The following CYB5R4 variants were observed in gnomAD, a reference collection of about 807,000 sequenced individuals.
CYB5R4 encodes the protein cytochrome b5 reductase 4.
A neutral mutation model predicts 70.2 loss-of-function variants in CYB5R4; 55 were observed. The observed-to-expected ratio is 0.78, with a 90% CI of 0.63 to 0.98. The LOEUF is 0.98. Ranked by LOEUF, CYB5R4 falls within the 50% of genes least tolerant of loss-of-function variation. The pLI is 0.00. For synonymous variants in CYB5R4, 197 were observed against 199.5 expected, an observed-to-expected ratio of 0.99 and a Z score of 0.11; for missense variants, 562 against 612.6, an observed-to-expected ratio of 0.92 and a Z score of 0.87.
At position 83,963,555 on chromosome 6, in the gene CYB5R4, A is replaced by G. The variant is rs1172546663; in HGVS notation, c.*3677A>G. On this transcript the variant is annotated 3_prime_UTR_variant, in exon 16 of 16. Coordinates refer to ENST00000369681, the MANE Select transcript of CYB5R4 (RefSeq NM_016230.4). ...TTACAGTCTCTTGGTGTCTTTCAAC[A>G]TTGGTTTTATTTTGAAGTCATTTTC... The G allele has an allele frequency of 2.0e-5, 3 of 152,238 alleles. No individual in the cohort carries two copies. The allele number at this position is 152,238 out of a possible 1,614,324, so 9.4% of individuals were successfully genotyped here. A position where few individuals can be genotyped will look rare whatever the true frequency, so the allele number is the denominator to read the frequency against.
intron 2 of CYB5R4, among the ~76,000 whole-genome samples, chr6:83,878,448 C>T (rs771365571): frequency 6.6e-6 from 1 of 151,922 alleles, no homozygotes; most frequent in Non-Finnish European, 1.5e-5. Context: ...CCCGGGTTCA[C>T]GCCATTCTTC....
chr6:83,932,827 C>T (rs1047685312), intron 10 of CYB5R4, among the ~76,000 whole-genome samples: 4 of 152,078 alleles, frequency 2.6e-5, no homozygotes, highest in Admixed American at 6.5e-5. Context: ...TCAGACAGAG[C>T]CAAGGATGAG....
intron 14 of CYB5R4, among the ~76,000 whole-genome samples, chr6:83,950,018 G>A (rs1428117750): frequency 2.0e-5 from 3 of 152,090 alleles, no homozygotes; most frequent in South Asian, 2.1e-4. Context: ...ACAGTGACAC[G>A]ATATTGTGTT....
chr6:83,872,215 A>G (rs376675966), intron 2 of CYB5R4, among the ~76,000 whole-genome samples: 71 of 152,326 alleles, frequency 4.7e-4, no homozygotes, highest in African/African-American at 1.6e-3. Flanking sequence ...ACCCAGTCAC[A>G]TAATTCTCAG....
intron 2 of CYB5R4, among the ~76,000 whole-genome samples, chr6:83,867,827 A>G (rs114407942): frequency 0.012 from 1,892 of 152,272 alleles, 44 homozygotes; most frequent in African/African-American, 0.043. Flanking sequence ...GCTCTGAGTC[A>G]CTATTGTCTG....
intron 10 of CYB5R4, among the ~76,000 whole-genome samples, chr6:83,931,731 T>C (rs1485836576): frequency 6.6e-6 from 1 of 151,700 alleles, no homozygotes; most frequent in African/African-American, 2.4e-5. Flanking sequence ...GACAGTTAGA[T>C]AATGGCATTG....
intron 10 of CYB5R4, among the ~76,000 whole-genome samples, chr6:83,926,753 T>A (rs896654273): frequency 6.6e-6 from 1 of 152,084 alleles, no homozygotes; most frequent in Non-Finnish European, 1.5e-5. Flanking sequence ...TATATTTTGC[T>A]CATGTGGGGA....
chr6:83,943,794 G>A (rs1275057613), intron 14 of CYB5R4, among the ~76,000 whole-genome samples: 1 of 151,918 alleles, frequency 6.6e-6, no homozygotes, highest in Non-Finnish European at 1.5e-5. Context: ...AAAACAGCAC[G>A]AGAACATCAT....
intron 15 of CYB5R4, among the ~76,000 whole-genome samples, chr6:83,957,495 C>T (rs1562848813): frequency 6.6e-6 from 1 of 151,782 alleles, no homozygotes; most frequent in African/African-American, 2.4e-5. Context: ...GTGGTGGGCA[C>T]CTGTGATCCC....
intron 5 of CYB5R4, among the ~76,000 whole-genome samples, chr6:83,915,181 C>T (rs1212208141): frequency 6.6e-6 from 1 of 152,128 alleles, no homozygotes; most frequent in Non-Finnish European, 1.5e-5. Context: ...CTTCCTCTCC[C>T]CCGCAAAAAA....
intron 3 of CYB5R4, among the ~76,000 whole-genome samples, chr6:83,894,718 T>C (rs2099461599): frequency 6.6e-6 from 1 of 152,210 alleles, no homozygotes; most frequent in Admixed American, 6.5e-5. Context: ...ACTATATTCT[T>C]ACAATAAAGT....
chr6:83,862,204 C>T (rs1275215715), intron 1 of CYB5R4, among the ~76,000 whole-genome samples: 1 of 152,198 alleles, frequency 6.6e-6, no homozygotes, highest in Non-Finnish European at 1.5e-5. Context: ...GCTACTTGTC[C>T]TGAGGCTTTT....
intron 14 of CYB5R4, among the ~76,000 whole-genome samples, chr6:83,943,344 A>G (rs982110793): frequency 5.3e-5 from 8 of 152,112 alleles, no homozygotes; most frequent in African/African-American, 1.9e-4. Flanking sequence ...ACTCCCGGCA[A>G]ACTCCAGCAG....
In CYB5R4 at chr6:83,940,521, G is replaced by A. The variant is rs2099469580; in HGVS notation, c.1266G>A (p.Val422=). 1.3e-6 allele frequency: 2 copies of A among 1,576,390 alleles called. No individual in the cohort carries two copies. Among genetic ancestry groups the A allele is most frequent in the African/African-American group, 1.4e-5 (1 of 71,636 alleles). Residue 422 remains valine, a synonymous_variant, in exon 14 of 16, where the codon GTG becomes GTA. Coordinates refer to ENST00000369681, the MANE Select transcript of CYB5R4 (RefSeq NM_016230.4). ...ALTDIPSLRK[V]KLMFFNKTED... ...TTTTTTTTTTTCTCTTAAGGAAAGT[G>A]AAGCTGATGTTCTTCAATAAAACAG... is the stretch of plus-strand genomic sequence containing the variant.
At chr6:83,883,420 A>G (rs994791922) in intron 2 of CYB5R4, among the ~76,000 whole-genome samples, 3 of 152,120 alleles carry the variant, frequency 2.0e-5, no homozygotes, top group African/African-American at 7.2e-5. Flanking sequence ...AATAACATCT[A>G]GGCACATCCT....
At chr6:83,945,849 A>T (rs1276505151) in intron 14 of CYB5R4, among the ~76,000 whole-genome samples, 1 of 152,168 alleles carries the variant, frequency 6.6e-6, no homozygotes, top group African/African-American at 2.4e-5. Context: ...CTGGACACAT[A>T]CACCCTCCCA....
In CYB5R4 at chr6:83,864,198, C is replaced by A; in HGVS notation, c.99C>A (p.Ser33Arg). 2 of 1,607,434 alleles carry A rather than the reference C, an allele frequency of 1.2e-6. No homozygotes were observed. Among genetic ancestry groups the A allele is most frequent in the Non-Finnish European group, 1.7e-6 (2 of 1,177,242 alleles). ...AGGTACCTTTAAAACAGGGCAGAAGCCTTATGGATTGGATTCGACTGACCA... is the reference window on the plus strand; with the variant it reads ...AGGTACCTTTAAAACAGGGCAGAAGACTTATGGATTGGATTCGACTGACCA... Reference protein sequence around the residue: ...RSKVPLKQGRSLMDWIRLTKS... With the variant: ...RSKVPLKQGRRLMDWIRLTKS... Residue 33 changes from serine to arginine, a missense_variant, in exon 2 of 16, where the codon AGC (serine) becomes AGA (arginine). Ser to Arg is a moderately radical substitution (Grantham distance 110). Coordinates refer to ENST00000369681, the MANE Select transcript of CYB5R4 (RefSeq NM_016230.4).
Position 83,924,608 on chromosome 6 carries a change from T to C in CYB5R4, c.814+16T>C, listed in dbSNP as rs2099466975. On this transcript the variant is annotated intron_variant, in intron 10 of 15. Transcript: ENST00000369681. ...AAAGATACAGGTATGCTGTGTTCTT[T>C]TGTTACGTTAATTTCACATTCATGA... The C allele has an allele frequency of 1.9e-6, 3 of 1,608,098 alleles. No homozygotes were observed. The highest frequency in any genetic ancestry group is 2.5e-6 in the Non-Finnish European group (3 of 1,177,392).
At chr6:83,896,274 G>C (rs2099461876) in intron 3 of CYB5R4, among the ~76,000 whole-genome samples, 1 of 152,056 alleles carries the variant, frequency 6.6e-6, no homozygotes, top group African/African-American at 2.4e-5. Flanking sequence ...ATGACAGCTA[G>C]ATTAGATTTC....
Sources: allele counts gnomAD v4.1 joint callset (sites outside exome capture counted in the v4.1 genomes callset), GRCh38; gene constraint gnomAD v4.1.1; transcripts MANE v1.5; gene names NCBI Gene and HGNC (gene_info 2026-07-23, HGNC 2026-07-21).